Variants in CARF observed in about 807,000 individuals in gnomAD.
CARF encodes the protein calcium responsive transcription factor, also known as calcium-responsive transcription factor.
CARF carries 57 observed loss-of-function variants against 82.0 expected under a neutral mutation model. That is an observed-to-expected ratio of 0.70 (90% confidence interval 0.56 to 0.87). The LOEUF (loss-of-function observed/expected upper bound fraction) is 0.87, where lower values mean the gene tolerates loss of function less well. Ranked by LOEUF, CARF falls within the 40% of genes least tolerant of loss-of-function variation. CARF has a pLI of 0.00. For synonymous variants in CARF, 268 were observed against 290.1 expected (o/e 0.92, Z 0.77); for missense variants, 771 against 855.8 (o/e 0.90, Z 1.24).
intron 9 of CARF, among the ~76,000 whole-genome samples, chr2:202,965,270 C>A (rs1246471283): frequency 6.6e-6 from 1 of 152,000 alleles, no homozygotes; most frequent in Non-Finnish European, 1.5e-5. Context: ...TTGATTTTTG[C>A]AAGAATACCT....
intron 5 of CARF, among the ~76,000 whole-genome samples, chr2:202,943,353 C>T (rs542371554): frequency 1.3e-5 from 2 of 152,198 alleles, no homozygotes; most frequent in South Asian, 4.1e-4. Flanking sequence ...GGATTACAGG[C>T]GTTAGCCACC....
At chr2:202,917,681 T>A (rs891651284) in intron 1 of CARF, among the ~76,000 whole-genome samples, 196 bp from the exon 2 acceptor site, 1 of 152,204 alleles carries the variant, frequency 6.6e-6, no homozygotes, top group Non-Finnish European at 1.5e-5. Context: ...ACAGAGAGAT[T>A]GTCACCTGTC....
chr2:202,920,961 A>C (rs576028851), intron 2 of CARF, among the ~76,000 whole-genome samples: 24 of 152,304 alleles, frequency 1.6e-4, no homozygotes, highest in African/African-American at 5.3e-4. Flanking sequence ...ATGAATTTTA[A>C]AAATCAGGAT....
At chr2:202,948,350 T>C (rs1559225670) in intron 5 of CARF, among the ~76,000 whole-genome samples, 2 of 152,156 alleles carry the variant, frequency 1.3e-5, no homozygotes, top group African/African-American at 2.4e-5. Context: ...TTTTTGGTTC[T>C]ATATGAGTTT....
chr2:202,969,252 T>C (rs764334627), intron 10 of CARF, among the ~76,000 whole-genome samples: 18 of 151,398 alleles, frequency 1.2e-4, no homozygotes, highest in African/African-American at 4.4e-4. Context: ...TAATGAAAGA[T>C]TGGAGGCACA....
At chr2:202,960,904 T>A (rs1410222754) in intron 8 of CARF, among the ~76,000 whole-genome samples, 1 of 152,206 alleles carries the variant, frequency 6.6e-6, no homozygotes, top group Non-Finnish European at 1.5e-5. Flanking sequence ...AGTTTTACGC[T>A]GATCTGGATT....
rs1392324118 is a variant in CARF, at chr2:202,912,521, C to G, written c.-911C>G. On this transcript the variant is annotated 5_prime_UTR_variant, in exon 1 of 17. Transcript: ENST00000438828. The stretch of plus-strand genomic sequence containing the variant: ...CTCCTCCCGTCACCTCCTGACCCGC[C>G]GGAGCTCCGAGCAACTGCCGGCCTC... 5 of 150,338 alleles carry G rather than the reference C, an allele frequency of 3.3e-5. No individual in the cohort carries two copies. In the East Asian group the frequency reaches 7.9e-4, roughly 24 times the overall value. The allele number at this position is 150,338 out of a possible 1,614,324, so 9.3% of individuals were successfully genotyped here. A position where few individuals can be genotyped will look rare whatever the true frequency, so the allele number is the denominator to read the frequency against.
At chr2:202,980,645 T>TATATATATATATAC (rs2060219758) in intron 14 of CARF, among the ~76,000 whole-genome samples, 1 of 88,828 alleles carries the variant, frequency 1.1e-5, no homozygotes, top group Non-Finnish European at 2.5e-5. Context: ...TATATATATA[T>TATATATATATATAC]ATATATATAT....
Position 202,915,996 on chromosome 2 carries a change from T to C in CARF, c.-329-1881T>C, listed in dbSNP as rs1689565754. On this transcript the variant is annotated intron_variant, in intron 1 of 16. Coordinates refer to ENST00000438828, the MANE Select transcript of CARF (RefSeq NM_024744.17). ...GTTTAACATAACTTTAAAAACTGAT[T>C]CTTAAAAAATAAATTATCCTATTAA... Among the ~76,000 whole-genome samples, 4 of 152,236 alleles carry C rather than the reference T, an allele frequency of 2.6e-5. No homozygotes were observed. In the South Asian group the frequency reaches 8.3e-4, roughly 32 times the overall value.
chr2:202,971,312 A>C (rs1308511909), intron 11 of CARF, among the ~76,000 whole-genome samples, 193 bp from the exon 12 acceptor site: 3 of 152,124 alleles, frequency 2.0e-5, no homozygotes, highest in Non-Finnish European at 4.4e-5. Context: ...ATATAAAGCA[A>C]ATCTTAGAAG....
Position 202,974,365 on chromosome 2 carries a change from G to C in CARF, c.1363G>C (p.Asp455His). 6.2e-7 allele frequency: 1 copy of C among 1,606,488 alleles called. No homozygotes were observed. Among genetic ancestry groups the C allele is most frequent in the South Asian group, 1.1e-5 (1 of 89,184 alleles). The change falls in exon 13 of 17, where the codon GAT (aspartate) becomes CAT (histidine). Residue 455 changes from aspartate to histidine, a missense_variant. Physicochemically the swap from Asp to His is moderately conservative, Grantham distance 81. Coordinates refer to ENST00000438828, the MANE Select transcript of CARF (RefSeq NM_024744.17). Reference sequence around the variant, plus strand: ...TGTGGAAAGGGAACTGTTCAAACCCGATGAGGTACCTGAAAGACATAATTT... The same window carrying C: ...TGTGGAAAGGGAACTGTTCAAACCCCATGAGGTACCTGAAAGACATAATTT... ...KFVERELFKPDEVPERHNLSF... is the reference protein window; with the variant it reads ...KFVERELFKPHEVPERHNLSF...
At chr2:202,956,051 A>G (rs1425888128) in intron 8 of CARF, among the ~76,000 whole-genome samples, 1 of 149,410 alleles carries the variant, frequency 6.7e-6, no homozygotes, top group Non-Finnish European at 1.5e-5. Context: ...CTTTTCAACC[A>G]TTTATTTTCT....
chr2:202,942,096 G>C, intron 4 of CARF, 116 bp downstream of exon 4: 2 of 775,346 alleles, frequency 2.6e-6, no homozygotes, highest in Non-Finnish European at 4.2e-6. Context: ...ATTTTGAGCT[G>C]GGCGTGGTGG....
intron 1 of CARF, among the ~76,000 whole-genome samples, chr2:202,914,067 C>A (rs1689145449): frequency 6.6e-6 from 1 of 152,052 alleles, no homozygotes. Context: ...ATTTATGTGT[C>A]GTGTTTGGTG....
At chr2:202,919,914 G>A (rs201336466) in intron 2 of CARF, among the ~76,000 whole-genome samples, 1 of 147,518 alleles carries the variant, frequency 6.8e-6, no homozygotes, top group Non-Finnish European at 1.5e-5. Context: ...ATTGTCAAAA[G>A]GGTTAAATGA....
chr2:202,933,688 A>G (rs1289397847), intron 3 of CARF, among the ~76,000 whole-genome samples: 1 of 151,918 alleles, frequency 6.6e-6, no homozygotes. Flanking sequence ...GTAGTTGTTT[A>G]TTCATTGTTT....
At chr2:202,917,511 C>G (rs1453590934) in intron 1 of CARF, among the ~76,000 whole-genome samples, 1 of 151,996 alleles carries the variant, frequency 6.6e-6, no homozygotes, top group African/African-American at 2.4e-5. Context: ...GGGAGAAGAG[C>G]TTTTATTTTC....
intron 1 of CARF, among the ~76,000 whole-genome samples, chr2:202,913,624 G>A (rs1185065230): frequency 6.6e-6 from 1 of 152,150 alleles, no homozygotes; most frequent in African/African-American, 2.4e-5. Flanking sequence ...TTAACCATGT[G>A]GTTATTGTAG....
At chr2:202,944,176 A>T (rs2058379178) in intron 5 of CARF, among the ~76,000 whole-genome samples, 1 of 152,202 alleles carries the variant, frequency 6.6e-6, no homozygotes, top group Non-Finnish European at 1.5e-5. Flanking sequence ...CTGTTGGCTA[A>T]AAGTATTTTT....
Sources: allele counts gnomAD v4.1 joint callset (sites outside exome capture counted in the v4.1 genomes callset), GRCh38; gene constraint gnomAD v4.1.1; transcripts MANE v1.5; gene names NCBI Gene and HGNC (gene_info 2026-07-23, HGNC 2026-07-21).